Variants in CCDC148 observed in about 807,000 individuals in gnomAD.
CCDC148 encodes coiled-coil domain containing 148.
CCDC148 carries 89 observed loss-of-function variants against 85.7 expected under a neutral mutation model. The ratio of observed to expected loss-of-function variants is 1.04; its 90% CI spans 0.87 to 1.24. The LOEUF (loss-of-function observed/expected upper bound fraction) is 1.24, where lower values mean the gene tolerates loss of function less well. Ranked by LOEUF, CCDC148 falls within the 50% of genes most tolerant of loss-of-function variation. The pLI, the probability that CCDC148 is intolerant of heterozygous loss-of-function variation, is 0.00. For missense variants in CCDC148, 692 were observed against 671.7 expected (o/e 1.03, Z -0.33); for synonymous variants, 230 against 213.9 (o/e 1.08, Z -0.66).
intron 1 of CCDC148, among the ~76,000 whole-genome samples, chr2:158,399,062 T>G (rs983879857): frequency 1.4e-4 from 21 of 152,014 alleles, no homozygotes; most frequent in Admixed American, 1.2e-3. Context: ...TACACCCTCC[T>G]AAGACTAAAC....
chr2:158,217,336 GTATATA>G (rs141810507), intron 11 of CCDC148, among the ~76,000 whole-genome samples: 2,140 of 137,264 alleles, frequency 0.016, 69 homozygotes, highest in African/African-American at 0.053. Flanking sequence ...ATAATTTTGT[GTATATA>G]TATATATATA....
chr2:158,430,110 A>G (rs1574807272), intron 1 of CCDC148, among the ~76,000 whole-genome samples: 1 of 152,242 alleles, frequency 6.6e-6, no homozygotes. Flanking sequence ...AAAATGGAAC[A>G]GGAAGATAAA....
At chr2:158,437,937 A>G (rs914463489) in intron 1 of CCDC148, among the ~76,000 whole-genome samples, 13 of 152,208 alleles carry the variant, frequency 8.5e-5, no homozygotes, top group Non-Finnish European at 1.6e-4. Context: ...GGACCTCTTC[A>G]AGGAGAACTA....
chr2:158,369,036 A>G (rs540048742), intron 1 of CCDC148, among the ~76,000 whole-genome samples: 1 of 152,230 alleles, frequency 6.6e-6, no homozygotes, highest in African/African-American at 2.4e-5. Context: ...CTGATTATAA[A>G]TATGTAGACT....
chr2:158,395,556 T>C (rs1333758282), intron 1 of CCDC148, among the ~76,000 whole-genome samples: 4 of 152,174 alleles, frequency 2.6e-5, no homozygotes, highest in Non-Finnish European at 5.9e-5. Flanking sequence ...TCTGGTAGTG[T>C]ACAAAGATAA....
At chr2:158,305,146 G>T (rs1375161193) in intron 9 of CCDC148, among the ~76,000 whole-genome samples, 2 of 152,152 alleles carry the variant, frequency 1.3e-5, no homozygotes, top group African/African-American at 4.8e-5. Flanking sequence ...ACCCATCACT[G>T]CTGAAGGAAA....
At chr2:158,406,629 T>TTTTTTGTTTTTGTTTTTG (rs1553518870) in intron 1 of CCDC148, among the ~76,000 whole-genome samples, 2,441 of 117,514 alleles carry the variant, frequency 0.021, 156 homozygotes, top group Middle Eastern at 0.043. Context: ...TTTTTTTTTT[T>TTTTTTGTTTTTGTTTTTG]TTTTTTTTTT....
intron 10 of CCDC148, among the ~76,000 whole-genome samples, chr2:158,250,265 A>G (rs2105141276): frequency 6.6e-6 from 1 of 152,182 alleles, no homozygotes; most frequent in East Asian, 1.9e-4. Context: ...AAGAGGAATG[A>G]TGAATTTGTG....
At chr2:158,413,720 C>T (rs1686368933) in intron 1 of CCDC148, among the ~76,000 whole-genome samples, 1 of 151,856 alleles carries the variant, frequency 6.6e-6, no homozygotes, top group Non-Finnish European at 1.5e-5. Context: ...AATTATTCAA[C>T]TCAGTTGTGT....
intron 11 of CCDC148, among the ~76,000 whole-genome samples, chr2:158,180,058 A>G (rs1383106460): frequency 6.6e-6 from 1 of 152,078 alleles, no homozygotes; most frequent in East Asian, 1.9e-4. Context: ...ATCCTTTCAA[A>G]AGAGTAGGCA....
intron 9 of CCDC148, among the ~76,000 whole-genome samples, chr2:158,279,373 T>C (rs562792489): frequency 3.3e-5 from 5 of 152,180 alleles, no homozygotes; most frequent in African/African-American, 1.2e-4. Context: ...AGTTAAAAAC[T>C]TTGAAAAAAA....
At chr2:158,368,147 A>C (rs1486804022) in intron 1 of CCDC148, among the ~76,000 whole-genome samples, 1 of 152,152 alleles carries the variant, frequency 6.6e-6, no homozygotes, top group Non-Finnish European at 1.5e-5. Flanking sequence ...ACCCAAACTG[A>C]AGTTTACACT....
chr2:158,232,691 T>C (rs1157123758), intron 10 of CCDC148, among the ~76,000 whole-genome samples: 1 of 152,152 alleles, frequency 6.6e-6, no homozygotes, highest in Non-Finnish European at 1.5e-5. Context: ...AAGGAAGTCA[T>C]AACACTTAAC....
At chr2:158,359,152 A>G (rs1162655754) in intron 1 of CCDC148, among the ~76,000 whole-genome samples, 1 of 152,186 alleles carries the variant, frequency 6.6e-6, no homozygotes, top group East Asian at 1.9e-4. Flanking sequence ...TGATATGAAA[A>G]CCATAACATA....
chr2:158,283,550 G>C (rs1331298900), intron 9 of CCDC148, among the ~76,000 whole-genome samples: 3 of 152,212 alleles, frequency 2.0e-5, no homozygotes, highest in Non-Finnish European at 4.4e-5. Flanking sequence ...GGCCATCAGA[G>C]AAATGCAAAT....
At chr2:158,367,835 T>C (rs1684268847) in intron 1 of CCDC148, among the ~76,000 whole-genome samples, 1 of 152,150 alleles carries the variant, frequency 6.6e-6, no homozygotes, top group South Asian at 2.1e-4. Flanking sequence ...GCCTGTGAAC[T>C]AAAGCTGAGG....
At chr2:158,361,996 CAAA>C (rs201419924) in intron 1 of CCDC148, among the ~76,000 whole-genome samples, 4,940 of 110,000 alleles carry the variant, frequency 0.045, 161 homozygotes, top group East Asian at 0.18. Flanking sequence ...AATGGAAAGC[CAAA>C]AAAAAAAAAA....
At chr2:158,255,770 A>G (rs1487081807) in intron 9 of CCDC148, among the ~76,000 whole-genome samples, 19 of 151,774 alleles carry the variant, frequency 1.3e-4, no homozygotes, top group Non-Finnish European at 7.4e-5. Flanking sequence ...ACAAAAGAAC[A>G]TTACCACAGT....
chr2:158,306,777 T>C (rs1691708717), intron 9 of CCDC148, among the ~76,000 whole-genome samples: 1 of 150,786 alleles, frequency 6.6e-6, no homozygotes, highest in Admixed American at 6.6e-5. Context: ...TATATACATA[T>C]GTAACAAACC....
Sources: gnomAD v4.1 joint callset for allele counts (sites outside exome capture counted in the v4.1 genomes callset) on GRCh38, gnomAD v4.1.1 for gene constraint, MANE v1.5 for transcripts, NCBI Gene and HGNC (gene_info 2026-07-23, HGNC 2026-07-21) for gene names.